SLC7A2: variants seen among roughly 807,000 people sequenced by gnomAD.
SLC7A2 encodes solute carrier family 7 member 2, also known as cationic amino acid transporter 2.
Under a neutral mutation model 58.9 loss-of-function variants are expected in SLC7A2, and 48 were observed. The observed-to-expected ratio is 0.82, with a 90% CI of 0.65 to 1.04. SLC7A2 has a LOEUF of 1.04. SLC7A2 is among the 50% of genes least tolerant of loss of function. The pLI, the probability that SLC7A2 is intolerant of heterozygous loss-of-function variation, is 0.00. For missense variants in SLC7A2, 1,029 were observed against 818.8 expected, an observed-to-expected ratio of 1.26 and a Z score of -3.13; for synonymous variants, 363 against 314.5, an observed-to-expected ratio of 1.15 and a Z score of -1.63.
intron 8 of SLC7A2, among the ~76,000 whole-genome samples, chr8:17,556,470 C>CTA (rs1802707945): frequency 1.3e-5 from 2 of 151,962 alleles, no homozygotes; most frequent in Non-Finnish European, 2.9e-5. Flanking sequence ...TACTCCCATA[C>CTA]CTTACTTTGC....
chr8:17,549,036 C>A (rs116947745), intron 5 of SLC7A2, among the ~76,000 whole-genome samples, 193 bp downstream of exon 5: 5,801 of 152,258 alleles, frequency 0.038, 196 homozygotes, highest in East Asian at 0.083. Flanking sequence ...AGGTGAAAGG[C>A]ATGTCTCACA....
chr8:17,550,379 T>G lies in SLC7A2; in HGVS notation c.777T>G (p.Ala259=). ...FMPYGFTGTL[A]GAATCFYAFV... is the part of the protein sequence containing the mutation. ...CTTATGGCTTTACGGGAACGTTGGCTGGTGCTGCAACTTGCTTTTATGCCT... is the reference window on the plus strand; with the variant it reads ...CTTATGGCTTTACGGGAACGTTGGCGGGTGCTGCAACTTGCTTTTATGCCT... Residue 259 remains alanine (A), a synonymous_variant, in exon 6 of 13, where the codon GCT becomes GCG. Coordinates refer to ENST00000494857, the MANE Select transcript of SLC7A2 (RefSeq NM_001370338.1). The G allele has an allele frequency of 6.2e-7, 1 of 1,614,116 alleles. No individual in the cohort carries two copies.
At position 17,556,048 on chromosome 8, in the gene SLC7A2, T is replaced by C. The variant is rs1359265618; in HGVS notation, c.1195+1349T>C. Among the ~76,000 whole-genome samples the C allele has an allele frequency of 2.0e-5, 3 of 152,312 alleles. No individual in the cohort carries two copies. The East Asian group carries it at 5.8e-4, about 29-fold the overall frequency. On this transcript the variant is annotated intron_variant, in intron 8 of 12. Transcript: ENST00000494857. ...GAATTTTTTTCAGGGTCAGAATGTA[T>C]TTGTTTAAACACTTTCACTTTGTAA...
chr8:17,514,530 G>C (rs548397630), intron 2 of SLC7A2, among the ~76,000 whole-genome samples: 172 of 152,192 alleles, frequency 1.1e-3, no homozygotes, highest in African/African-American at 3.6e-3. Context: ...GGTTGACCCT[G>C]GAAGCTAATT....
chr8:17,569,190 A>T lies in SLC7A2; in HGVS notation c.*4044A>T, dbSNP rs1490987900. ...GTGATGAAATCATGCCAAGATTCTG[A>T]CTCTCCCTTTCCGGTGATACTGCTC... On this transcript the variant is annotated 3_prime_UTR_variant, in exon 13 of 13. Coordinates refer to ENST00000494857, the MANE Select transcript of SLC7A2 (RefSeq NM_001370338.1). 1 of 151,516 alleles carries T rather than the reference A, an allele frequency of 6.6e-6. No individual in the cohort carries two copies. The highest frequency in any genetic ancestry group is 1.5e-5 in the Non-Finnish European group (1 of 67,930). The allele number at this position is 151,516 out of a possible 1,614,324, so 9.4% of individuals were successfully genotyped here. A position where few individuals can be genotyped will look rare whatever the true frequency, so the allele number is the denominator to read the frequency against.
chr8:17,533,562 T>C (rs1801544325), intron 2 of SLC7A2, among the ~76,000 whole-genome samples: 1 of 152,200 alleles, frequency 6.6e-6, no homozygotes, highest in Non-Finnish European at 1.5e-5. Context: ...TTGAAAGGGA[T>C]ACACTTTGGC....
intron 2 of SLC7A2, among the ~76,000 whole-genome samples, chr8:17,515,749 A>G (rs1266082973): frequency 6.6e-6 from 1 of 152,178 alleles, no homozygotes; most frequent in Non-Finnish European, 1.5e-5. Context: ...CAAAATAAAA[A>G]TCCTATCATT....
At chr8:17,534,164 T>C (rs1314579980) in intron 2 of SLC7A2, among the ~76,000 whole-genome samples, 2 of 152,208 alleles carry the variant, frequency 1.3e-5, no homozygotes, top group East Asian at 1.9e-4. Context: ...CTGTCTATTA[T>C]TGATGGGCAC....
intron 7 of SLC7A2, among the ~76,000 whole-genome samples, chr8:17,554,331 G>T (rs7000018): frequency 0.14 from 20,630 of 151,918 alleles, 1,744 homozygotes; most frequent in East Asian, 0.33. Context: ...ATTTTGCTGC[G>T]TACTTATCTG....
intron 2 of SLC7A2, among the ~76,000 whole-genome samples, chr8:17,509,744 C>T (rs1420253647): frequency 6.6e-6 from 1 of 152,118 alleles, no homozygotes; most frequent in East Asian, 1.9e-4. Context: ...TTCCAGTGTT[C>T]ATTTCACTAA....
At position 17,544,649 on chromosome 8, in the gene SLC7A2, A is replaced by G. The variant is rs754976256; in HGVS notation, c.532+43A>G. ...GAGTCTCTGCAGAATGAGCCACACT[A>G]TTTGTCTCAGGAAAATAGGTTACTT... On this transcript the variant is annotated intron_variant, in intron 4 of 12. Coordinates refer to ENST00000494857, the MANE Select transcript of SLC7A2 (RefSeq NM_001370338.1). The G allele has an allele frequency of 5.1e-6, 8 of 1,571,912 alleles. No individual in the cohort carries two copies. The Admixed American group carries it at 6.9e-5, about 14-fold the overall frequency.
At chr8:17,501,361 G>T (rs1800153024) in intron 1 of SLC7A2, among the ~76,000 whole-genome samples, 1 of 152,192 alleles carries the variant, frequency 6.6e-6, no homozygotes, top group Non-Finnish European at 1.5e-5. Flanking sequence ...GGCCTCTGCT[G>T]CTGTTACGCT....
At chr8:17,558,241 T>C in intron 8 of SLC7A2, 54 bp from the exon 9 acceptor site, 2 of 1,135,756 alleles carry the variant, frequency 1.8e-6, no homozygotes, top group Non-Finnish European at 2.7e-6. Context: ...TTAGTAACTG[T>C]ATGGAATTTC....
intron 2 of SLC7A2, among the ~76,000 whole-genome samples, chr8:17,516,531 T>A (rs1800811499): frequency 6.6e-6 from 1 of 152,206 alleles, no homozygotes; most frequent in Non-Finnish European, 1.5e-5. Flanking sequence ...GCCTATGTGT[T>A]GTCTGTTTTA....
chr8:17,544,072 GT>G (rs1802049151), intron 3 of SLC7A2, among the ~76,000 whole-genome samples: 1 of 152,168 alleles, frequency 6.6e-6, no homozygotes, highest in Non-Finnish European at 1.5e-5. Context: ...GTTTCACCAT[GT>G]TGACCAAGCT....
intron 3 of SLC7A2, 87 bp downstream of exon 3, chr8:17,543,802 G>A: frequency 3.3e-6 from 4 of 1,218,764 alleles, no homozygotes; most frequent in Non-Finnish European, 3.4e-6. Flanking sequence ...TGTAGGTGTT[G>A]GGTACATCAC....
At chr8:17,555,411 A>G (rs946119599) in intron 8 of SLC7A2, among the ~76,000 whole-genome samples, 1 of 152,224 alleles carries the variant, frequency 6.6e-6, no homozygotes, top group Non-Finnish European at 1.5e-5. Flanking sequence ...ACACAAAATT[A>G]TATTATTGAT....
intron 3 of SLC7A2, 51 bp from the exon 4 acceptor site, chr8:17,544,400 T>C (rs1472756137): frequency 6.5e-7 from 1 of 1,540,004 alleles, no homozygotes; most frequent in African/African-American, 1.4e-5. Flanking sequence ...CAAATGATGC[T>C]ACTTTAATTT....
At chr8:17,511,668 A>C (rs1489544991) in intron 2 of SLC7A2, among the ~76,000 whole-genome samples, 1 of 152,222 alleles carries the variant, frequency 6.6e-6, no homozygotes, top group Non-Finnish European at 1.5e-5. Context: ...TAAAAAAGCT[A>C]CTGGCAGAAA....
Sources: allele counts gnomAD v4.1 joint callset (sites outside exome capture counted in the v4.1 genomes callset), GRCh38; gene constraint gnomAD v4.1.1; transcripts MANE v1.5; gene names NCBI Gene and HGNC (gene_info 2026-07-23, HGNC 2026-07-21).